The following GCN1 variants were observed in gnomAD, a reference collection of about 807,000 sequenced individuals.
GCN1 encodes the protein GCN1 activator of EIF2AK4.
A neutral mutation model predicts 288.4 loss-of-function variants in GCN1; 90 were observed. That is an observed-to-expected ratio of 0.31 (90% confidence interval 0.26 to 0.37). GCN1 has a LOEUF of 0.37. Ranked by LOEUF, GCN1 falls within the 10% of genes least tolerant of loss-of-function variation. The pLI is 1.00. For missense variants in GCN1, 2,586 were observed against 3,419.9 expected, an observed-to-expected ratio of 0.76 and a Z score of 6.08; for synonymous variants, 1,386 against 1,420.2, an observed-to-expected ratio of 0.98 and a Z score of 0.54.
intron 24 of GCN1, among the ~76,000 whole-genome samples, chr12:120,159,079 G>T (rs1246649838): frequency 2.0e-5 from 3 of 151,860 alleles, no homozygotes; most frequent in Non-Finnish European, 2.9e-5. Flanking sequence ...CTTGATCTTT[G>T]TGACAGCCTC....
At chr12:120,190,010 C>A (rs1250802868) in intron 2 of GCN1, among the ~76,000 whole-genome samples, 1 of 151,478 alleles carries the variant, frequency 6.6e-6, no homozygotes, top group Admixed American at 6.6e-5. Context: ...AAAAAAACCA[C>A]AAAATTTATT....
chr12:120,165,741 TAGGATTAC>T (rs916405036), intron 16 of GCN1, among the ~76,000 whole-genome samples: 1 of 152,052 alleles, frequency 6.6e-6, no homozygotes. Flanking sequence ...CTCAAGGTGC[TAGGATTAC>T]AGGCATGAGC....
intron 5 of GCN1, among the ~76,000 whole-genome samples, chr12:120,180,991 CAA>C (rs35885269): frequency 1.4e-4 from 14 of 103,600 alleles, no homozygotes; most frequent in Non-Finnish European, 1.1e-4. Flanking sequence ...GACTCCGTCT[CAA>C]AAAAAAAAAA....
chr12:120,139,037 C>T (rs1289550863), intron 45 of GCN1, 181 bp from the exon 46 acceptor site: 13 of 494,288 alleles, frequency 2.6e-5, no homozygotes, highest in African/African-American at 1.8e-4. Context: ...GGGCCGGGCA[C>T]GGTGGCTCAC....
In GCN1 at chr12:120,127,935, G is replaced by C; in HGVS notation, c.7930C>G (p.Leu2644Val). 1.2e-6 allele frequency: 2 copies of C among 1,614,032 alleles called. No homozygotes were observed. The highest frequency in any genetic ancestry group is 1.7e-6 in the Non-Finnish European group (2 of 1,179,874). Residue 2644 changes from leucine (L) to valine (V), a missense_variant, in exon 58 of 58, where the codon CTG (leucine) becomes GTG (valine). Leu to Val is a conservative substitution (Grantham distance 32). Around this residue, in one of 8 missense-constraint regions of GCN1, gnomAD observed 355 missense variants for 431.1 expected, o/e 0.82. Transcript: ENST00000300648. ...KILDVASLEV[L>V]NEVNRRSLKK... is the part of the protein sequence containing the mutation. ...AGGGACCTTCGGTTAACCTCGTTCA[G>C]CACCTCCAAACTGGCCACATCCAGG...
chr12:120,183,356 C>A (rs1365204619), intron 5 of GCN1, among the ~76,000 whole-genome samples: 1 of 152,194 alleles, frequency 6.6e-6, no homozygotes, highest in East Asian at 1.9e-4. Context: ...TAGCACCATG[C>A]CTGACAGAGA....
intron 16 of GCN1, 129 bp from the exon 17 acceptor site, chr12:120,164,850 G>A (rs183905594): frequency 5.5e-6 from 3 of 544,018 alleles, no homozygotes; most frequent in African/African-American, 3.9e-5. Context: ...ATCACTCGAA[G>A]TGAAATTACA....
At chr12:120,189,753 C>T (rs547910521) in intron 2 of GCN1, among the ~76,000 whole-genome samples, 5 of 152,018 alleles carry the variant, frequency 3.3e-5, no homozygotes, top group East Asian at 3.9e-4. Flanking sequence ...CTGAGGCAGG[C>T]GGATCACTTA....
At chr12:120,160,061 C>A in intron 23 of GCN1, 38 bp from the exon 24 acceptor site, 1 of 1,597,450 alleles carries the variant, frequency 6.3e-7, no homozygotes, top group Non-Finnish European at 8.6e-7. Context: ...GTCAGCAGGG[C>A]CCTGCTTGTG....
Position 120,153,613 on chromosome 12 carries a change from GCTCTGCCAGGA to G in GCN1, c.3867+120_3867+130del. On this transcript the variant is annotated intron_variant, in intron 32 of 57. Coordinates refer to ENST00000300648, the MANE Select transcript of GCN1 (RefSeq NM_006836.2). The surrounding 1 kb of genome is among the most constrained non-coding windows in gnomAD (Gnocchi z 4.4). ...TATCATGGTCTTTTTGGCTCAAAGT[GCTCTGCCAGGA>G]CTCTTGGCACTCAGCATTTCTGGCC... 1.1e-6 allele frequency: 1 copy of G among 948,536 alleles called. No individual in the cohort carries two copies. The allele number at this position is 948,536 out of a possible 1,614,324, so 58.8% of individuals were successfully genotyped here. A position where few individuals can be genotyped will look rare whatever the true frequency, so the allele number is the denominator to read the frequency against.
chr12:120,174,233 C>G, intron 12 of GCN1, 64 bp from the exon 13 acceptor site: 1 of 887,780 alleles, frequency 1.1e-6, no homozygotes, highest in Non-Finnish European at 1.9e-6. Context: ...AGTCTTCCCA[C>G]TGCTGCCACC....
At chr12:120,169,749 G>A (rs921422822) in intron 15 of GCN1, among the ~76,000 whole-genome samples, 44 of 152,202 alleles carry the variant, frequency 2.9e-4, no homozygotes, top group African/African-American at 1.0e-3. Context: ...TGATCCGCCT[G>A]CCTCGGCCTC....
intron 26 of GCN1, among the ~76,000 whole-genome samples, chr12:120,157,574 T>C (rs1877789492): frequency 6.6e-6 from 1 of 152,164 alleles, no homozygotes; most frequent in African/African-American, 2.4e-5. Context: ...ACATGGTACA[T>C]CCATAGCACA....
At chr12:120,185,877 G>T (rs899498777) in intron 2 of GCN1, among the ~76,000 whole-genome samples, 2 of 152,140 alleles carry the variant, frequency 1.3e-5, no homozygotes, top group Admixed American at 6.5e-5. Context: ...AGGATTACAG[G>T]CGTGAGCCAT....
At chr12:120,154,183 C>G (rs1316491227) in intron 31 of GCN1, among the ~76,000 whole-genome samples, 1 of 152,236 alleles carries the variant, frequency 6.6e-6, no homozygotes, top group East Asian at 1.9e-4. Flanking sequence ...GAGTGCAATG[C>G]TCACCCCTCT....
chr12:120,162,130 T>A, intron 20 of GCN1, 72 bp from the exon 21 acceptor site: 1 of 1,283,034 alleles, frequency 7.8e-7, no homozygotes, highest in Non-Finnish European at 1.1e-6. Flanking sequence ...CACACCTGAA[T>A]GCCCCTAGCA....
chr12:120,169,276 CAAAAAAAAAA>C (rs35819206), intron 15 of GCN1, among the ~76,000 whole-genome samples: 4 of 66,674 alleles, frequency 6.0e-5, no homozygotes, highest in Admixed American at 2.0e-4. Flanking sequence ...AACTCCGTCT[CAAAAAAAAAA>C]AAAAAAAAAG....
chr12:120,179,732 GAA>G (rs1878591714), intron 5 of GCN1, among the ~76,000 whole-genome samples: 2 of 150,848 alleles, frequency 1.3e-5, no homozygotes, highest in South Asian at 2.1e-4. Flanking sequence ...GAATTCAGAG[GAA>G]AAAAGAGATA....
At chr12:120,182,177 A>C (rs898772764) in intron 5 of GCN1, among the ~76,000 whole-genome samples, 6 of 149,734 alleles carry the variant, frequency 4.0e-5, no homozygotes, top group South Asian at 2.3e-4. Flanking sequence ...AAAAAACAAA[A>C]AAAACCACTC....
Sources: allele counts gnomAD v4.1 joint callset (sites outside exome capture counted in the v4.1 genomes callset), GRCh38; gene constraint gnomAD v4.1.1; regional missense constraint gnomAD v4.1.1; non-coding constraint Gnocchi (gnomAD v3.1); transcripts MANE v1.5; gene names NCBI Gene and HGNC (gene_info 2026-07-23, HGNC 2026-07-21).